The following PPP2R5E variants were observed in gnomAD, a reference collection of about 807,000 sequenced individuals.
PPP2R5E encodes the protein serine/threonine-protein phosphatase 2A 56 kDa regulatory subunit epsilon isoform.
In PPP2R5E, 4 loss-of-function variants were observed where a neutral mutation model predicts 65.3. The observed-to-expected ratio is 0.06, with a 90% CI of 0.03 to 0.14. The LOEUF (loss-of-function observed/expected upper bound fraction) is 0.14, where lower values mean the gene tolerates loss of function less well. PPP2R5E is among the 10% of genes least tolerant of loss of function. The pLI is 1.00. For synonymous variants in PPP2R5E, 183 were observed against 187.4 expected (o/e 0.98, Z 0.19); for missense variants, 274 against 556.1 (o/e 0.49, Z 5.10).
intron 5 of PPP2R5E, among the ~76,000 whole-genome samples, chr14:63,405,557 C>A (rs1886020443): frequency 6.6e-6 from 1 of 152,192 alleles, no homozygotes; most frequent in Non-Finnish European, 1.5e-5. Context: ...TCCAGCAGTA[C>A]ATATGTTTAC....
chr14:63,464,120 C>T (rs535888330), intron 2 of PPP2R5E, among the ~76,000 whole-genome samples: 110 of 152,286 alleles, frequency 7.2e-4, no homozygotes, highest in African/African-American at 2.6e-3. Flanking sequence ...CTCACTCTAT[C>T]ATTCACTGAT....
intron 2 of PPP2R5E, among the ~76,000 whole-genome samples, chr14:63,454,954 G>T (rs3783741): frequency 0.33 from 50,440 of 152,094 alleles, 11,184 homozygotes; most frequent in African/African-American, 0.63. Context: ...GGTCCCACAG[G>T]GAATGGGTTA....
In PPP2R5E at chr14:63,493,491, T is replaced by TGTGC. The variant is rs200079656; in HGVS notation, c.158-39610_158-39607dup. ...CCAAATTACCGCGCGCGCGTGTGTG[T>TGTGC]GTGCGTGTGTGTGGTGGGGGGAGGG... is the stretch of plus-strand genomic sequence containing the variant. On this transcript the variant is annotated intron_variant, in intron 2 of 13. Coordinates refer to ENST00000337537, the MANE Select transcript of PPP2R5E (RefSeq NM_006246.5). Among the ~76,000 whole-genome samples, 1,103 of 125,728 alleles carry TGTGC rather than the reference T, an allele frequency of 8.8e-3. 41 individuals carry two copies. The East Asian group carries it at 0.13, about 14-fold the overall frequency. The allele number at this position is 125,728 out of a possible 152,430, so 82.5% of individuals were successfully genotyped here.
At chr14:63,516,507 T>C (rs1892677801) in intron 2 of PPP2R5E, among the ~76,000 whole-genome samples, 1 of 152,234 alleles carries the variant, frequency 6.6e-6, no homozygotes, top group African/African-American at 2.4e-5. Context: ...CAAAGATACT[T>C]TCACAAAACT....
At chr14:63,410,490 C>T (rs1235471706) in intron 5 of PPP2R5E, among the ~76,000 whole-genome samples, 2 of 151,966 alleles carry the variant, frequency 1.3e-5, no homozygotes, top group East Asian at 1.9e-4. Context: ...ATGAGTGAGA[C>T]GGGGGATAAT....
chr14:63,429,081 A>G (rs1887487971), intron 3 of PPP2R5E, among the ~76,000 whole-genome samples: 1 of 152,136 alleles, frequency 6.6e-6, no homozygotes, highest in Non-Finnish European at 1.5e-5. Context: ...CTGTAGTTAT[A>G]TTTTTGTTAA....
chr14:63,431,704 G>A (rs1217190681), intron 3 of PPP2R5E, among the ~76,000 whole-genome samples: 1 of 152,126 alleles, frequency 6.6e-6, no homozygotes, highest in East Asian at 1.9e-4. Context: ...GTTTACATGT[G>A]ACTAAGAAAC....
intron 13 of PPP2R5E, among the ~76,000 whole-genome samples, chr14:63,380,738 T>C (rs933433498): frequency 1.3e-5 from 2 of 152,126 alleles, no homozygotes; most frequent in Admixed American, 1.3e-4. Flanking sequence ...AATCCCAATA[T>C]TCTGGGTAAA....
chr14:63,491,225 GA>G (rs1195266513), intron 2 of PPP2R5E, among the ~76,000 whole-genome samples: 1 of 148,230 alleles, frequency 6.7e-6, no homozygotes, highest in Non-Finnish European at 1.5e-5. Context: ...GGGGACTTTA[GA>G]AGGGGGAAGC....
chr14:63,448,367 C>T (rs1888621678), intron 3 of PPP2R5E, among the ~76,000 whole-genome samples: 1 of 152,140 alleles, frequency 6.6e-6, no homozygotes, highest in Non-Finnish European at 1.5e-5. Flanking sequence ...ATCACTATAA[C>T]AGATATAGTA....
chr14:63,424,092 G>C (rs1439916059), intron 3 of PPP2R5E, among the ~76,000 whole-genome samples: 2 of 152,204 alleles, frequency 1.3e-5, no homozygotes, highest in Non-Finnish European at 2.9e-5. Context: ...CGCTGGCTTG[G>C]CAAGGATGGT....
chr14:63,509,801 CA>C (rs1469124960), intron 2 of PPP2R5E, among the ~76,000 whole-genome samples: 1 of 152,194 alleles, frequency 6.6e-6, no homozygotes, highest in Non-Finnish European at 1.5e-5. Context: ...ACTTGAAGGA[CA>C]GCAACTCTAT....
At chr14:63,406,785 G>C (rs1886116793) in intron 5 of PPP2R5E, among the ~76,000 whole-genome samples, 1 of 152,220 alleles carries the variant, frequency 6.6e-6, no homozygotes, top group Non-Finnish European at 1.5e-5. Flanking sequence ...AGAATCCAGA[G>C]ACACAGGAAA....
At chr14:63,399,395 T>C (rs928219125) in intron 5 of PPP2R5E, among the ~76,000 whole-genome samples, 2 of 128,100 alleles carry the variant, frequency 1.6e-5, no homozygotes, top group Non-Finnish European at 3.2e-5. Flanking sequence ...TTTTTTTTTT[T>C]TTTGAGACAG....
chr14:63,401,949 A>G (rs1473477963), intron 5 of PPP2R5E, among the ~76,000 whole-genome samples: 1 of 152,006 alleles, frequency 6.6e-6, no homozygotes, highest in Non-Finnish European at 1.5e-5. Context: ...AGCTAAAAAC[A>G]GGAGGACTGG....
rs527942691 is a variant in PPP2R5E at position 63,522,714 on chromosome 14, C to A, written c.157+16815G>T. Among the ~76,000 whole-genome samples the A allele has an allele frequency of 2.8e-4, 43 of 151,008 alleles. No individual in the cohort carries two copies. In the East Asian group the frequency reaches 6.6e-3, roughly 23 times the overall value. ...GGAGAGGAGCGTCTCTGCCCGGCCG[C>A]CCCGTCTGAGAAGTGAGGAGCCCCT... On this transcript the variant is annotated intron_variant, in intron 2 of 13. Coordinates refer to ENST00000337537, the MANE Select transcript of PPP2R5E (RefSeq NM_006246.5).
chr14:63,518,983 C>T (rs561754109), intron 2 of PPP2R5E, among the ~76,000 whole-genome samples: 1 of 152,262 alleles, frequency 6.6e-6, no homozygotes, highest in Admixed American at 6.5e-5. Context: ...CTTTGGGAGG[C>T]CAAGACAGGC....
At chr14:63,523,571 C>G (rs113617447) in intron 2 of PPP2R5E, among the ~76,000 whole-genome samples, 2 of 148,396 alleles carry the variant, frequency 1.3e-5, no homozygotes, top group East Asian at 2.0e-4. Context: ...ACAAACACTG[C>G]GGAAGGCCGC....
chr14:63,417,165 G>A (rs1028163410), intron 4 of PPP2R5E, among the ~76,000 whole-genome samples: 1 of 152,124 alleles, frequency 6.6e-6, no homozygotes, highest in Non-Finnish European at 1.5e-5. Context: ...TTGGTTCATT[G>A]AGTTACGCAG....
Sources: gnomAD v4.1 joint callset for allele counts (sites outside exome capture counted in the v4.1 genomes callset) on GRCh38, gnomAD v4.1.1 for gene constraint, MANE v1.5 for transcripts, NCBI Gene and HGNC (gene_info 2026-07-23, HGNC 2026-07-21) for gene names.